Variants in STAT4 observed in about 807,000 individuals in gnomAD.
STAT4 encodes the protein signal transducer and activator of transcription 4.
A neutral mutation model predicts 110.5 loss-of-function variants in STAT4; 42 were observed. The observed-to-expected ratio is 0.38, with a 90% CI of 0.30 to 0.49. STAT4 has a LOEUF of 0.49. Ranked by LOEUF, STAT4 falls within the 20% of genes least tolerant of loss-of-function variation. STAT4 has a pLI of 0.95. For missense variants in STAT4, 632 were observed against 887.9 expected (o/e 0.71, Z 3.66); for synonymous variants, 284 against 302.2 (o/e 0.94, Z 0.63).
intron 3 of STAT4, among the ~76,000 whole-genome samples, chr2:191,109,375 T>C (rs767299855): frequency 1.4e-4 from 21 of 152,080 alleles, no homozygotes; most frequent in Non-Finnish European, 2.5e-4. Context: ...AAGAAGAGAA[T>C]GTCTCCTTCA....
rs138322223 is a variant in STAT4, at chr2:191,113,005, C to A, written c.273+33608G>T. On this transcript the variant is annotated intron_variant, in intron 3 of 23. Transcript: ENST00000392320. The surrounding 1 kb of genome is among the most constrained non-coding windows in gnomAD (Gnocchi z 4.8). ...TTCCCATAGCTCTCTGCTGTTCTTGCCCATCTGGGAATACTCACACGAGTA... is the reference window on the plus strand; with the variant it reads ...TTCCCATAGCTCTCTGCTGTTCTTGACCATCTGGGAATACTCACACGAGTA... 3.8e-4 allele frequency among the ~76,000 whole-genome samples: 58 copies of A among 152,352 alleles called. No individual in the cohort carries two copies. The East Asian group carries it at 9.4e-3, about 25-fold the overall frequency.
intron 14 of STAT4, among the ~76,000 whole-genome samples, chr2:191,052,612 ATAC>A (rs1169600408): frequency 1.3e-5 from 2 of 152,190 alleles, no homozygotes; most frequent in African/African-American, 4.8e-5. Flanking sequence ...AGATGACAAT[ATAC>A]TACAAGAGTT....
chr2:191,095,818 A>G (rs981964157), intron 3 of STAT4, among the ~76,000 whole-genome samples: 1 of 152,236 alleles, frequency 6.6e-6, no homozygotes, highest in Non-Finnish European at 1.5e-5. Flanking sequence ...CAAAAAGTCA[A>G]TGAATCCAGG....
chr2:191,118,736 T>C (rs1470050924), intron 3 of STAT4, among the ~76,000 whole-genome samples: 1 of 152,160 alleles, frequency 6.6e-6, no homozygotes, highest in African/African-American at 2.4e-5. Context: ...GAAATGGAAT[T>C]GCTTTGTCAC....
intron 4 of STAT4, among the ~76,000 whole-genome samples, chr2:191,074,616 A>T (rs745521481): frequency 5.3e-5 from 8 of 152,196 alleles, no homozygotes; most frequent in Non-Finnish European, 1.0e-4. Context: ...TAGATATAAG[A>T]AGGGTTCAAA....
chr2:191,043,307 C>A lies in STAT4; in HGVS notation c.1252-2159G>T, dbSNP rs1242202108. 6.6e-6 allele frequency among the ~76,000 whole-genome samples: 1 copy of A among 151,382 alleles called. No homozygotes were observed. Among genetic ancestry groups the A allele is most frequent in the East Asian group, 1.9e-4 (1 of 5,154 alleles). The stretch of plus-strand genomic sequence containing the variant: ...AGAATGTAAAACAAACAAAAAAATC[C>A]CACAAAGACGTCAAAAATAGAATAG... On this transcript the variant is annotated intron_variant, in intron 14 of 23. Transcript: ENST00000392320. The surrounding 1 kb of genome is among the most constrained non-coding windows in gnomAD (Gnocchi z 4.8).
At chr2:191,100,046 T>C (rs1038093029) in intron 3 of STAT4, among the ~76,000 whole-genome samples, 4 of 152,150 alleles carry the variant, frequency 2.6e-5, no homozygotes, top group Non-Finnish European at 5.9e-5. Flanking sequence ...ATTTTCATCA[T>C]AACAAAAATT....
At chr2:191,136,464 T>C (rs1699183172) in intron 3 of STAT4, among the ~76,000 whole-genome samples, 1 of 152,196 alleles carries the variant, frequency 6.6e-6, no homozygotes, top group Non-Finnish European at 1.5e-5. Context: ...TCAAATTGTC[T>C]TTCTTGGCCA....
At position 191,113,649 on chromosome 2, in the gene STAT4, T is replaced by C. The variant is rs573361247; in HGVS notation, c.273+32964A>G. Among the ~76,000 whole-genome samples the C allele has an allele frequency of 2.6e-5, 4 of 152,264 alleles. No homozygotes were observed. The highest frequency in any genetic ancestry group is 9.6e-5 in the African/African-American group (4 of 41,552). On this transcript the variant is annotated intron_variant, in intron 3 of 23. Coordinates refer to ENST00000392320, the MANE Select transcript of STAT4 (RefSeq NM_003151.4). This position sits in a 1 kb window ranked among gnomAD's most constrained non-coding sequence, Gnocchi z 4.8. ...CTTTTGTCATCATGCGGAAGAAAGATTAAAAAGGTTAAAGATGAAATTTAG... is the reference window on the plus strand; with the variant it reads ...CTTTTGTCATCATGCGGAAGAAAGACTAAAAAGGTTAAAGATGAAATTTAG...
intron 5 of STAT4, among the ~76,000 whole-genome samples, chr2:191,071,292 C>G (rs1368253245): frequency 6.6e-6 from 1 of 152,170 alleles, no homozygotes; most frequent in Non-Finnish European, 1.5e-5. Flanking sequence ...TCTTTCTTTT[C>G]AGTATACCCC....
intron 3 of STAT4, among the ~76,000 whole-genome samples, chr2:191,103,107 T>C (rs1698187270): frequency 6.6e-6 from 1 of 152,176 alleles, no homozygotes; most frequent in Non-Finnish European, 1.5e-5. Flanking sequence ...AGTTTTCTGC[T>C]CCTATTTTAA....
rs927337276 is a variant in STAT4 at position 191,117,200 on chromosome 2, A to G, written c.273+29413T>C. Among the ~76,000 whole-genome samples, 2 of 152,204 alleles carry G rather than the reference A, an allele frequency of 1.3e-5. No homozygotes were observed. Among genetic ancestry groups the G allele is most frequent in the Non-Finnish European group, 2.9e-5 (2 of 68,036 alleles). On this transcript the variant is annotated intron_variant, in intron 3 of 23. Transcript: ENST00000392320. The surrounding 1 kb of genome is among the most constrained non-coding windows in gnomAD (Gnocchi z 5.2). The stretch of plus-strand genomic sequence containing the variant: ...CTTGTCTGATTATTAGAATTACCTG[A>G]GCTGCTCAGTCCCACAACAAATCAA...
chr2:191,039,343 T>A lies in STAT4; in HGVS notation c.1336-46A>T. Reference sequence around the variant, plus strand: ...CATAGTTATTACAGGTAGTCCCACCTTACATTGATCTTATGCTTGACCCTC... The same window carrying A: ...CATAGTTATTACAGGTAGTCCCACCATACATTGATCTTATGCTTGACCCTC... On this transcript the variant is annotated intron_variant, in intron 15 of 23. Transcript: ENST00000392320. The surrounding 1 kb of genome is among the most constrained non-coding windows in gnomAD (Gnocchi z 4.7). 6.5e-7 allele frequency: 1 copy of A among 1,546,190 alleles called. No homozygotes were observed. The highest frequency in any genetic ancestry group is 8.9e-7 in the Non-Finnish European group (1 of 1,118,214).
At chr2:191,078,775 TTATC>T (rs1697385720) in intron 3 of STAT4, among the ~76,000 whole-genome samples, 1 of 152,172 alleles carries the variant, frequency 6.6e-6, no homozygotes, top group Non-Finnish European at 1.5e-5. Flanking sequence ...ACTCTATGGC[TTATC>T]TTTTTCCTAT....
At chr2:191,119,305 T>C (rs1328382045) in intron 3 of STAT4, among the ~76,000 whole-genome samples, 1 of 152,146 alleles carries the variant, frequency 6.6e-6, no homozygotes, top group Non-Finnish European at 1.5e-5. Context: ...TTGATCAGAA[T>C]ATAGGAGAGG....
At chr2:191,084,103 A>C (rs1697563313) in intron 3 of STAT4, among the ~76,000 whole-genome samples, 1 of 152,032 alleles carries the variant, frequency 6.6e-6, no homozygotes, top group South Asian at 2.1e-4. Context: ...CTGTACTAAA[A>C]ATACAAAAAT....
chr2:191,146,393 T>C lies in STAT4; in HGVS notation c.273+220A>G, dbSNP rs751800753. Among the ~76,000 whole-genome samples, 14 of 152,154 alleles carry C rather than the reference T, an allele frequency of 9.2e-5. No homozygotes were observed. The highest frequency in any genetic ancestry group is 3.4e-4 in the African/African-American group (14 of 41,444). ...ATGCAAGTCCCACATGCAACACACT[T>C]GTAATGTATTTTATACACTATACTT... On this transcript the variant is annotated intron_variant, in intron 3 of 23. Transcript: ENST00000392320. This position sits in a 1 kb window ranked among gnomAD's most constrained non-coding sequence, Gnocchi z 4.5.
At position 191,143,478 on chromosome 2, in the gene STAT4, G is replaced by C. The variant is rs1474567103; in HGVS notation, c.273+3135C>G. ...ATAGGCCAAGGGCTGCTGAACGATG[G>C]TGTTTATTGCTTCCACCTTGGAGCT... On this transcript the variant is annotated intron_variant, in intron 3 of 23. Transcript: ENST00000392320. This position sits in a 1 kb window ranked among gnomAD's most constrained non-coding sequence, Gnocchi z 5.6. Among the ~76,000 whole-genome samples the C allele has an allele frequency of 6.6e-6, 1 of 152,128 alleles. No individual in the cohort carries two copies. Among genetic ancestry groups the C allele is most frequent in the Non-Finnish European group, 1.5e-5 (1 of 68,028 alleles).
At position 191,032,942 on chromosome 2, in the gene STAT4, A is replaced by G. The variant is rs374546341; in HGVS notation, c.2044+16T>C. The G allele has an allele frequency of 6.3e-6, 10 of 1,575,742 alleles. No individual in the cohort carries two copies. Among genetic ancestry groups the G allele is most frequent in the Middle Eastern group, 3.4e-4 (2 of 5,836 alleles). On this transcript the variant is annotated intron_variant, in intron 21 of 23. Coordinates refer to ENST00000392320, the MANE Select transcript of STAT4 (RefSeq NM_003151.4). This position sits in a 1 kb window ranked among gnomAD's most constrained non-coding sequence, Gnocchi z 4.9. ...TCTTAAGGAAAAAAAAACAAAAACA[A>G]ACAGAAAAACCTAACCTTCGCAAGG... is the stretch of plus-strand genomic sequence containing the variant.
Sources: allele counts gnomAD v4.1 joint callset (sites outside exome capture counted in the v4.1 genomes callset), GRCh38; gene constraint gnomAD v4.1.1; non-coding constraint Gnocchi (gnomAD v3.1); transcripts MANE v1.5; gene names NCBI Gene and HGNC (gene_info 2026-07-23, HGNC 2026-07-21).